The following ARHGAP24 variants were observed in gnomAD, a reference collection of about 807,000 sequenced individuals.
ARHGAP24 encodes the protein Rho GTPase activating protein 24.
ARHGAP24 carries 50 observed loss-of-function variants against 76.4 expected under a neutral mutation model. The ratio of observed to expected loss-of-function variants is 0.65; its 90% CI spans 0.52 to 0.83. ARHGAP24 has a LOEUF of 0.83. Among genes scored for constraint, ARHGAP24 ranks in the 40% least tolerant of loss-of-function variants. ARHGAP24 has a pLI of 0.00. For missense variants in ARHGAP24, 930 were observed against 914.2 expected (o/e 1.02, Z -0.22); for synonymous variants, 345 against 323.3 (o/e 1.07, Z -0.72).
chr4:85,860,013 T>A (rs372673688), intron 3 of ARHGAP24, among the ~76,000 whole-genome samples: 10 of 152,256 alleles, frequency 6.6e-5, no homozygotes, highest in East Asian at 5.8e-4. Context: ...AGCCTTAATA[T>A]TTAATGCTGG....
intron 3 of ARHGAP24, among the ~76,000 whole-genome samples, chr4:85,836,366 A>C (rs1319041809): frequency 6.6e-6 from 1 of 152,208 alleles, no homozygotes; most frequent in Admixed American, 6.5e-5. Flanking sequence ...TAAATGTAAA[A>C]TCAAGGTGTT....
At chr4:85,667,370 G>A (rs58797969) in intron 2 of ARHGAP24, among the ~76,000 whole-genome samples, 1,552 of 152,220 alleles carry the variant, frequency 0.01, 22 homozygotes, top group African/African-American at 0.034. Flanking sequence ...TATTAGGATG[G>A]GAGTGACCCG....
At chr4:85,966,817 G>C (rs1738638599) in intron 5 of ARHGAP24, among the ~76,000 whole-genome samples, 1 of 152,080 alleles carries the variant, frequency 6.6e-6, no homozygotes, top group Non-Finnish European at 1.5e-5. Flanking sequence ...CATTGTGCTT[G>C]TTGCAGATAA....
intron 1 of ARHGAP24, among the ~76,000 whole-genome samples, chr4:85,497,664 A>G (rs1377691984): frequency 6.6e-6 from 1 of 152,180 alleles, no homozygotes; most frequent in Admixed American, 6.5e-5. Flanking sequence ...TCTACTAAAA[A>G]TACAAATTAG....
At chr4:85,902,069 T>C (rs746425762) in intron 3 of ARHGAP24, among the ~76,000 whole-genome samples, 1 of 152,194 alleles carries the variant, frequency 6.6e-6, no homozygotes, top group African/African-American at 2.4e-5. Flanking sequence ...AGTGAGAACA[T>C]GCAGTGTTTG....
rs1730452499 is a variant in ARHGAP24, at chr4:85,839,184, A to C, written c.269-84464A>C. On this transcript the variant is annotated intron_variant, in intron 3 of 9. Transcript: ENST00000395184. The stretch of plus-strand genomic sequence containing the variant: ...AAGACTCAGTAATAATAATTGTATA[A>C]ATTATTTTAAACATTAAAAAGAGTA... Among the ~76,000 whole-genome samples, 2 of 152,254 alleles carry C rather than the reference A, an allele frequency of 1.3e-5. 1 individual carries two copies. The highest frequency in any genetic ancestry group is 4.1e-4 in the South Asian group (2 of 4,830).
At chr4:85,699,899 A>C (rs1724012470) in intron 2 of ARHGAP24, among the ~76,000 whole-genome samples, 1 of 152,176 alleles carries the variant, frequency 6.6e-6, no homozygotes, top group Admixed American at 6.5e-5. Flanking sequence ...CATTTAATAT[A>C]TATTGTTGAG....
chr4:85,483,828 G>C (rs890149490), intron 1 of ARHGAP24, among the ~76,000 whole-genome samples: 5 of 152,074 alleles, frequency 3.3e-5, no homozygotes, highest in Non-Finnish European at 7.4e-5. Flanking sequence ...AGCAGCATCA[G>C]TTCCACCTGA....
At chr4:85,653,494 G>A (rs11937452) in intron 2 of ARHGAP24, among the ~76,000 whole-genome samples, 77,490 of 143,538 alleles carry the variant, frequency 0.54, 21,512 homozygotes, top group Non-Finnish European at 0.65. Flanking sequence ...TTTATTTTGA[G>A]GAGGAGGCTC....
At chr4:85,574,308 G>A (rs1398869842) in intron 2 of ARHGAP24, among the ~76,000 whole-genome samples, 1 of 152,166 alleles carries the variant, frequency 6.6e-6, no homozygotes, top group Non-Finnish European at 1.5e-5. Flanking sequence ...AATAATGACA[G>A]GCTACCCTGA....
chr4:85,631,339 C>T (rs1000032519), intron 2 of ARHGAP24, among the ~76,000 whole-genome samples: 1 of 152,010 alleles, frequency 6.6e-6, no homozygotes, highest in African/African-American at 2.4e-5. Context: ...ACATATTTAT[C>T]TCACTACCTT....
intron 2 of ARHGAP24, among the ~76,000 whole-genome samples, chr4:85,585,450 C>T (rs1727817784): frequency 1.3e-5 from 2 of 152,184 alleles, no homozygotes; most frequent in African/African-American, 2.4e-5. Flanking sequence ...GTTGAATCCA[C>T]CTCTGGTGTT....
chr4:85,561,988 C>T (rs1042876978), intron 1 of ARHGAP24, among the ~76,000 whole-genome samples: 4 of 152,224 alleles, frequency 2.6e-5, no homozygotes, highest in South Asian at 2.1e-4. Flanking sequence ...AATAAGGCAA[C>T]ATTTGAACTG....
chr4:85,601,984 A>G (rs1331156203), intron 2 of ARHGAP24, among the ~76,000 whole-genome samples: 4 of 152,172 alleles, frequency 2.6e-5, no homozygotes, highest in Non-Finnish European at 5.9e-5. Context: ...ATGCAGAACT[A>G]TTACTTGCAT....
intron 2 of ARHGAP24, among the ~76,000 whole-genome samples, chr4:85,619,749 G>A (rs1240942225): frequency 1.3e-5 from 2 of 151,606 alleles, no homozygotes; most frequent in Admixed American, 6.6e-5. Flanking sequence ...CTTTTTTCCG[G>A]TAGTTTATTG....
intron 2 of ARHGAP24, among the ~76,000 whole-genome samples, chr4:85,575,679 G>A (rs930745177): frequency 1.3e-5 from 2 of 152,150 alleles, no homozygotes; most frequent in African/African-American, 2.4e-5. Context: ...TATGATTATA[G>A]TTATCTTAAA....
chr4:85,810,848 T>C (rs1380868803), intron 3 of ARHGAP24, among the ~76,000 whole-genome samples: 3 of 152,230 alleles, frequency 2.0e-5, no homozygotes, highest in African/African-American at 7.2e-5. Context: ...AAACAATTTA[T>C]TAATGTTATT....
intron 2 of ARHGAP24, among the ~76,000 whole-genome samples, chr4:85,714,830 A>C (rs1012146297): frequency 6.6e-6 from 1 of 152,090 alleles, no homozygotes; most frequent in Non-Finnish European, 1.5e-5. Flanking sequence ...GAAGCTAAGA[A>C]GAACTTGATA....
chr4:85,719,181 A>T (rs1724838075), intron 2 of ARHGAP24, among the ~76,000 whole-genome samples: 1 of 152,224 alleles, frequency 6.6e-6, no homozygotes. Flanking sequence ...AAATGTATGT[A>T]ATAAAAGGTC....
Sources: gnomAD v4.1 joint callset for allele counts (sites outside exome capture counted in the v4.1 genomes callset) on GRCh38, gnomAD v4.1.1 for gene constraint, MANE v1.5 for transcripts, NCBI Gene and HGNC (gene_info 2026-07-23, HGNC 2026-07-21) for gene names.